RSRC1: variants seen among roughly 807,000 people sequenced by gnomAD.
The protein encoded by RSRC1 is serine/Arginine-related protein 53.
RSRC1 carries 39 observed loss-of-function variants against 49.1 expected under a neutral mutation model. That is an observed-to-expected ratio of 0.79 (90% CI 0.61 to 1.04). RSRC1 has a LOEUF of 1.04. Among genes scored for constraint, RSRC1 ranks in the 50% least tolerant of loss-of-function variants. The pLI is 0.00. For synonymous variants in RSRC1, 143 were observed against 130.8 expected (o/e 1.09, Z -0.63); for missense variants, 388 against 402.4 (o/e 0.96, Z 0.31).
intron 4 of RSRC1, among the ~76,000 whole-genome samples, chr3:158,241,276 C>G (rs1174240035): frequency 6.7e-6 from 1 of 149,946 alleles, no homozygotes; most frequent in East Asian, 2.0e-4. Context: ...GGCAAAACCC[C>G]AGCTCTACTA....
In RSRC1 at chr3:158,122,194, A is replaced by G; in HGVS notation, c.90A>G (p.Ser30=). ...GACGGTCCTCCTCGAGCAGTTCTTC[A>G]GATAGTAGAACATACAGCCGAAAGA... ...HRRRSSSSSS[S]DSRTYSRKKG... is the part of the protein sequence containing the mutation. The change falls in exon 2 of 10, where the codon TCA becomes TCG. Residue 30 remains serine, a synonymous_variant. Coordinates refer to ENST00000611884, the MANE Select transcript of RSRC1 (RefSeq NM_001271838.2). The G allele has an allele frequency of 6.8e-6, 11 of 1,608,948 alleles. No individual in the cohort carries two copies. The highest frequency in any genetic ancestry group is 2.3e-5 in the East Asian group (1 of 44,442).
At chr3:158,285,533 G>A (rs564037436) in intron 4 of RSRC1, among the ~76,000 whole-genome samples, 61 of 152,172 alleles carry the variant, frequency 4.0e-4, no homozygotes, top group Non-Finnish European at 7.2e-4. Flanking sequence ...AGCATGGAAT[G>A]TTCTTCCATT....
intron 3 of RSRC1, among the ~76,000 whole-genome samples, chr3:158,190,045 G>A (rs1720146125): frequency 6.6e-6 from 1 of 151,664 alleles, no homozygotes; most frequent in Non-Finnish European, 1.5e-5. Context: ...ATGTAACATG[G>A]CCAACACACT....
chr3:158,337,950 T>C (rs1456405395), intron 5 of RSRC1, among the ~76,000 whole-genome samples: 1 of 152,230 alleles, frequency 6.6e-6, no homozygotes, highest in African/African-American at 2.4e-5. Flanking sequence ...TGAATTATTA[T>C]TCTACATTTT....
intron 3 of RSRC1, among the ~76,000 whole-genome samples, chr3:158,148,515 G>A (rs1283154112): frequency 1.3e-5 from 2 of 151,956 alleles, no homozygotes; most frequent in Non-Finnish European, 2.9e-5. Flanking sequence ...TTAGAACCAT[G>A]TATTTTGACT....
chr3:158,251,890 T>C lies in RSRC1; in HGVS notation c.495-46149T>C, dbSNP rs1044026248. On this transcript the variant is annotated intron_variant, in intron 4 of 9. Coordinates refer to ENST00000611884, the MANE Select transcript of RSRC1 (RefSeq NM_001271838.2). ...GGTGAATGTGTGCATCCTTGTCTTC[T>C]TCCAGATGTTAGAGGAAAGGCTTTC... 9.2e-5 allele frequency among the ~76,000 whole-genome samples: 14 copies of C among 152,354 alleles called. No homozygotes were observed. In the East Asian group the frequency reaches 2.5e-3, roughly 27 times the overall value.
At chr3:158,227,719 G>A (rs976925682) in intron 4 of RSRC1, among the ~76,000 whole-genome samples, 3 of 152,032 alleles carry the variant, frequency 2.0e-5, no homozygotes, top group Admixed American at 1.3e-4. Flanking sequence ...CTAGACCAGG[G>A]ATCAGAAACT....
chr3:158,331,119 C>G (rs1729519268), intron 5 of RSRC1, among the ~76,000 whole-genome samples: 3 of 152,172 alleles, frequency 2.0e-5, no homozygotes, highest in Admixed American at 1.3e-4. Flanking sequence ...GGGTCCCTCC[C>G]ACAACACTTG....
At chr3:158,489,815 T>A (rs1398236016) in intron 7 of RSRC1, among the ~76,000 whole-genome samples, 1 of 152,098 alleles carries the variant, frequency 6.6e-6, no homozygotes, top group African/African-American at 2.4e-5. Flanking sequence ...TTTAGGATGA[T>A]TTGATAGTAA....
chr3:158,277,350 A>C (rs1042451044), intron 4 of RSRC1, among the ~76,000 whole-genome samples: 4 of 152,204 alleles, frequency 2.6e-5, no homozygotes, highest in Non-Finnish European at 5.9e-5. Context: ...GGTATTGCCA[A>C]ATTTGATTGC....
chr3:158,284,354 T>G (rs9814827), intron 4 of RSRC1, among the ~76,000 whole-genome samples: 2 of 146,258 alleles, frequency 1.4e-5, no homozygotes, highest in Non-Finnish European at 3.0e-5. Flanking sequence ...AATAAACATA[T>G]GTGTGCATGT....
intron 5 of RSRC1, chr3:158,302,559 CT>C (rs567353016): frequency 0.039 from 4,201 of 108,300 alleles, 68 homozygotes; most frequent in African/African-American, 0.067. Flanking sequence ...TTGCTCCTGA[CT>C]TTTTTTTTTT....
chr3:158,355,707 T>C (rs1731118800), intron 6 of RSRC1, among the ~76,000 whole-genome samples: 2 of 152,146 alleles, frequency 1.3e-5, no homozygotes, highest in Admixed American at 1.3e-4. Context: ...TATTTTACTT[T>C]GAATCTTAAT....
At chr3:158,256,903 G>C (rs901800543) in intron 4 of RSRC1, among the ~76,000 whole-genome samples, 7 of 152,112 alleles carry the variant, frequency 4.6e-5, no homozygotes, top group Admixed American at 2.0e-4. Flanking sequence ...ACTTCTGTGG[G>C]ATCCATGGTG....
At chr3:158,365,932 G>A (rs1731740026) in intron 6 of RSRC1, among the ~76,000 whole-genome samples, 1 of 152,030 alleles carries the variant, frequency 6.6e-6, no homozygotes, top group African/African-American at 2.4e-5. Context: ...ATGTTTGTTG[G>A]CCACATAAAT....
intron 5 of RSRC1, among the ~76,000 whole-genome samples, chr3:158,334,127 A>G (rs1279991077): frequency 6.6e-6 from 1 of 152,212 alleles, no homozygotes; most frequent in Non-Finnish European, 1.5e-5. Flanking sequence ...AAAGAAGGCT[A>G]TAAAGATGCT....
At chr3:158,462,072 A>C (rs1464502384) in intron 7 of RSRC1, among the ~76,000 whole-genome samples, 2 of 151,482 alleles carry the variant, frequency 1.3e-5, no homozygotes, top group Non-Finnish European at 1.5e-5. Context: ...ATGTGGATGA[A>C]TTTGTACACA....
intron 4 of RSRC1, among the ~76,000 whole-genome samples, chr3:158,245,302 G>A (rs1432678226): frequency 6.6e-6 from 1 of 152,038 alleles, no homozygotes; most frequent in South Asian, 2.1e-4. Flanking sequence ...TTAGGAGCAG[G>A]TTGTCCAGCT....
intron 6 of RSRC1, among the ~76,000 whole-genome samples, chr3:158,452,836 A>G (rs773101804): frequency 7.2e-5 from 11 of 152,136 alleles, no homozygotes. Flanking sequence ...AATACAGGTA[A>G]TAAAGTGGAA....
Sources: gnomAD v4.1 joint callset for allele counts (sites outside exome capture counted in the v4.1 genomes callset) on GRCh38, gnomAD v4.1.1 for gene constraint, MANE v1.5 for transcripts, NCBI Gene and HGNC (gene_info 2026-07-23, HGNC 2026-07-21) for gene names.